Variants in CHD6 observed in about 807,000 individuals in gnomAD.
The protein encoded by CHD6 is ATP-dependent chromatin remodeler CHD6.
A neutral mutation model predicts 276.9 loss-of-function variants in CHD6; 50 were observed. The observed-to-expected ratio is 0.18, with a 90% CI of 0.14 to 0.23. The LOEUF (loss-of-function observed/expected upper bound fraction) is 0.23. CHD6 is among the 10% of genes least tolerant of loss of function. CHD6 has a pLI of 1.00. For synonymous variants in CHD6, 1,173 were observed against 1,229.3 expected (o/e 0.95, Z 0.96); for missense variants, 2,564 against 3,365.8 (o/e 0.76, Z 5.89).
chr20:41,602,314 G>C (rs1303398809), intron 1 of CHD6, among the ~76,000 whole-genome samples: 2 of 152,176 alleles, frequency 1.3e-5, no homozygotes, highest in African/African-American at 4.8e-5. Context: ...TCCTGGCAAA[G>C]AGAAGAGGGG....
Position 41,489,849 on chromosome 20 carries a change from T to C in CHD6, c.1609A>G (p.Ile537Val), listed in dbSNP as rs750307368. 6.2e-6 allele frequency: 10 copies of C among 1,613,842 alleles called. No homozygotes were observed. The highest frequency in any genetic ancestry group is 1.1e-5 in the South Asian group (1 of 91,080). ...CTGATCTGGCTGCCGTGGTACACAA[T>C]GGCATTCATCTCTGTCCATGTCCGG... is the stretch of plus-strand genomic sequence containing the variant. ...EFRTWTEMNAIVYHGSQISRQ... is the reference protein window; with the variant it reads ...EFRTWTEMNAVVYHGSQISRQ... Residue 537 changes from isoleucine to valine, a missense_variant, in exon 12 of 37, where the codon ATT (isoleucine) becomes GTT (valine). Ile to Val is a conservative substitution (Grantham distance 29). Transcript: ENST00000373233.
At position 41,585,720 on chromosome 20, in the gene CHD6, C is replaced by T. The variant is rs112864451; in HGVS notation, c.-24+32620G>A. On this transcript the variant is annotated intron_variant, in intron 1 of 36. Coordinates refer to ENST00000373233, the MANE Select transcript of CHD6 (RefSeq NM_032221.5). The stretch of plus-strand genomic sequence containing the variant: ...GAAAAGGAGGGGACACTTCCCACCT[C>T]ATTTCATGAGGCCAGCATTACCTTG... Among the ~76,000 whole-genome samples the T allele has an allele frequency of 7.5e-3, 1,136 of 152,202 alleles. 18 individuals are homozygous for T. Among genetic ancestry groups the T allele is most frequent in the African/African-American group, 0.026 (1,074 of 41,496 alleles).
chr20:41,459,941 T>G (rs1379498219), intron 17 of CHD6, among the ~76,000 whole-genome samples: 1 of 152,246 alleles, frequency 6.6e-6, no homozygotes, highest in African/African-American at 2.4e-5. Context: ...GCTTGGAACC[T>G]CCTACAGACT....
chr20:41,421,577 A>C lies in CHD6; in HGVS notation c.5058T>G (p.Val1686=). The change falls in exon 31 of 37, where the codon GTT becomes GTG. Residue 1686 remains valine, a synonymous_variant. Transcript: ENST00000373233. Reference sequence around the variant, plus strand: ...CATGGTTGATGGAAATGACATCCTGAACTTTAGAAATAAAGTTTTCACATG... The same window carrying C: ...CATGGTTGATGGAAATGACATCCTGCACTTTAGAAATAAAGTTTTCACATG... ...DVTCENFISK[V]QDVISINHDE... 1 of 1,613,868 alleles carries C rather than the reference A, an allele frequency of 6.2e-7. No homozygotes were observed. The highest frequency in any genetic ancestry group is 8.5e-7 in the Non-Finnish European group (1 of 1,179,896).
At chr20:41,554,490 A>C (rs2045192289) in intron 1 of CHD6, among the ~76,000 whole-genome samples, 1 of 151,464 alleles carries the variant, frequency 6.6e-6, no homozygotes. Context: ...TCAGCAGATA[A>C]ACAAGTGAAC....
At chr20:41,407,234 T>TG (rs1160625641) in intron 36 of CHD6, among the ~76,000 whole-genome samples, 2 of 149,098 alleles carry the variant, frequency 1.3e-5, no homozygotes, top group Non-Finnish European at 3.0e-5. Flanking sequence ...GTCTGCAGAG[T>TG]GGGGGGTGGG....
chr20:41,555,683 C>T (rs2045222304), intron 1 of CHD6, among the ~76,000 whole-genome samples: 1 of 151,516 alleles, frequency 6.6e-6, no homozygotes, highest in African/African-American at 2.4e-5. Context: ...CTCCCCACAT[C>T]TCAGACGATG....
intron 1 of CHD6, among the ~76,000 whole-genome samples, chr20:41,554,707 G>C (rs1245891544): frequency 6.6e-6 from 1 of 151,552 alleles, no homozygotes; most frequent in East Asian, 1.9e-4. Flanking sequence ...AGGGTTGGGG[G>C]TAAGGTCACA....
At chr20:41,493,463 G>A (rs921054870) in intron 10 of CHD6, 75 bp downstream of exon 10, 2 of 1,448,762 alleles carry the variant, frequency 1.4e-6, no homozygotes, top group South Asian at 1.3e-5. Flanking sequence ...AACAAGCCAG[G>A]TGGACTTCCA....
At chr20:41,535,610 G>T (rs1422088297) in intron 2 of CHD6, among the ~76,000 whole-genome samples, 3 of 152,182 alleles carry the variant, frequency 2.0e-5, no homozygotes, top group Non-Finnish European at 4.4e-5. Context: ...TGTAATACCA[G>T]CACTTTGGGA....
At chr20:41,471,535 T>C (rs1211164926) in intron 17 of CHD6, among the ~76,000 whole-genome samples, 1 of 122,464 alleles carries the variant, frequency 8.2e-6, no homozygotes, top group African/African-American at 4.4e-5. Flanking sequence ...CATGAAATAT[T>C]TTCAGTTTTT....
intron 5 of CHD6, among the ~76,000 whole-genome samples, chr20:41,501,030 CT>C (rs1182271093): frequency 6.6e-6 from 1 of 152,200 alleles, no homozygotes; most frequent in African/African-American, 2.4e-5. Flanking sequence ...ACCACTACCA[CT>C]GATCTTGCAG....
chr20:41,517,891 C>T (rs973213833), intron 3 of CHD6, among the ~76,000 whole-genome samples: 1 of 152,186 alleles, frequency 6.6e-6, no homozygotes, highest in Admixed American at 6.5e-5. Context: ...TATTTTGCCT[C>T]TTTTTTTCTA....
intron 1 of CHD6, among the ~76,000 whole-genome samples, chr20:41,609,842 TTTTTTC>T (rs1041098817): frequency 2.7e-5 from 4 of 149,072 alleles, no homozygotes; most frequent in African/African-American, 7.6e-5. Context: ...TGTTTCCTTT[TTTTTTC>T]TTTTTTCTTT....
chr20:41,458,422 C>T (rs140437527), intron 17 of CHD6, among the ~76,000 whole-genome samples: 5 of 152,312 alleles, frequency 3.3e-5, no homozygotes, highest in African/African-American at 1.2e-4. Flanking sequence ...TTGCTGTTCA[C>T]ATTTGGCTCA....
chr20:41,419,316 AC>A (rs1440747956), intron 31 of CHD6, among the ~76,000 whole-genome samples: 1 of 152,024 alleles, frequency 6.6e-6, no homozygotes, highest in African/African-American at 2.4e-5. Context: ...GCAGTGGCTC[AC>A]GTCTGTAATC....
chr20:41,544,171 T>C (rs1292649092), intron 2 of CHD6, among the ~76,000 whole-genome samples: 1 of 151,662 alleles, frequency 6.6e-6, no homozygotes, highest in Admixed American at 6.6e-5. Flanking sequence ...ACCCGGGAGG[T>C]GGAGGTTGCA....
chr20:41,500,977 C>A (rs1447128816), intron 5 of CHD6, among the ~76,000 whole-genome samples: 1 of 152,132 alleles, frequency 6.6e-6, no homozygotes, highest in Non-Finnish European at 1.5e-5. Flanking sequence ...AGGACGGTAA[C>A]AGCAAAGGGC....
intron 1 of CHD6, among the ~76,000 whole-genome samples, chr20:41,585,784 G>A (rs2045588244): frequency 6.6e-6 from 1 of 152,028 alleles, no homozygotes; most frequent in South Asian, 2.1e-4. Context: ...ATCAACCAAA[G>A]ACAAAGATCA....
Sources: gnomAD v4.1 joint callset for allele counts (sites outside exome capture counted in the v4.1 genomes callset) on GRCh38, gnomAD v4.1.1 for gene constraint, MANE v1.5 for transcripts, NCBI Gene and HGNC (gene_info 2026-07-23, HGNC 2026-07-21) for gene names.